DNAJC5: variants seen among roughly 807,000 people sequenced by gnomAD.
The protein encoded by DNAJC5 is DnaJ heat shock protein family (Hsp40) member C5, also known as dnaJ homolog subfamily C member 5.
In DNAJC5, 1 loss-of-function variant was observed where a neutral mutation model predicts 23.2. That is an observed-to-expected ratio of 0.04 (90% CI 0.02 to 0.20). The LOEUF is 0.20. DNAJC5 is among the 10% of genes least tolerant of loss of function. The pLI, the probability that DNAJC5 is intolerant of heterozygous loss-of-function variation, is 1.00. For synonymous variants in DNAJC5, 136 were observed against 120.0 expected (o/e 1.13, Z -0.87); for missense variants, 180 against 267.0 (o/e 0.67, Z 2.27).
At chr20:63,922,640 C>T (rs531770384) in intron 1 of DNAJC5, among the ~76,000 whole-genome samples, 1 of 152,224 alleles carries the variant, frequency 6.6e-6, no homozygotes, top group Non-Finnish European at 1.5e-5. Context: ...CATGGTGGCT[C>T]ACGCCTGTAG....
At chr20:63,911,007 T>C (rs1175569878) in intron 1 of DNAJC5, among the ~76,000 whole-genome samples, 2 of 152,328 alleles carry the variant, frequency 1.3e-5, no homozygotes, top group South Asian at 4.1e-4. Flanking sequence ...TCTGGAGTTA[T>C]TTTGTTCAAC....
intron 1 of DNAJC5, among the ~76,000 whole-genome samples, chr20:63,925,315 C>G (rs1005996264): frequency 1.3e-5 from 2 of 152,116 alleles, no homozygotes; most frequent in African/African-American, 4.8e-5. Context: ...GAAACCCCAT[C>G]TCTACTAAAA....
At chr20:63,904,098 A>G (rs1031406945) in intron 1 of DNAJC5, among the ~76,000 whole-genome samples, 10 of 152,096 alleles carry the variant, frequency 6.6e-5, no homozygotes, top group African/African-American at 2.4e-4. Context: ...AATGAGGCAA[A>G]CCGTGGTTTG....
rs190682209 is a variant in DNAJC5, at chr20:63,929,650, G to T, written c.321+125G>T. 2 of 837,202 alleles carry T rather than the reference G, an allele frequency of 2.4e-6. No homozygotes were observed. Among genetic ancestry groups the T allele is most frequent in the African/African-American group, 1.8e-5 (1 of 55,836 alleles). The allele number at this position is 837,202 out of a possible 1,614,324, so 51.9% of individuals were successfully genotyped here. ...TGCGGGCACCCGAGTCTCTCCTGCC[G>T]TGCGGGCACCCGAGTCTCTCCTGCC... On this transcript the variant is annotated intron_variant, in intron 3 of 4. Coordinates refer to ENST00000360864, the MANE Select transcript of DNAJC5 (RefSeq NM_025219.3). The surrounding 1 kb of genome is among the most constrained non-coding windows in gnomAD (Gnocchi z 8.6).
intron 1 of DNAJC5, among the ~76,000 whole-genome samples, chr20:63,915,996 C>T (rs2427548): frequency 0.29 from 43,943 of 151,952 alleles, 7,870 homozygotes; most frequent in East Asian, 0.58. Flanking sequence ...GGCAGTGGTG[C>T]GATCTCGGCT....
Position 63,933,186 on chromosome 20 carries a change from G to A in DNAJC5, c.*1618G>A, listed in dbSNP as rs2053688677. ...CTCGGACCAACCAGATGAGCCTCCT[G>A]AAGCCCCCTTCCCTGCCTGCCTGCT... is the stretch of plus-strand genomic sequence containing the variant. On this transcript the variant is annotated 3_prime_UTR_variant, in exon 5 of 5. Coordinates refer to ENST00000360864, the MANE Select transcript of DNAJC5 (RefSeq NM_025219.3). 1 of 152,846 alleles carries A rather than the reference G, an allele frequency of 6.5e-6. No individual in the cohort carries two copies. The highest frequency in any genetic ancestry group is 2.4e-5 in the African/African-American group (1 of 41,450). The allele number at this position is 152,846 out of a possible 1,614,324, so 9.5% of individuals were successfully genotyped here.
At chr20:63,913,508 C>T (rs2427544) in intron 1 of DNAJC5, among the ~76,000 whole-genome samples, 52,170 of 151,004 alleles carry the variant, frequency 0.35, 10,716 homozygotes, top group East Asian at 0.81. Flanking sequence ...GTGATTCTCC[C>T]GCCTCAGTCT....
At position 63,929,294 on chromosome 20, in the gene DNAJC5, C is replaced by T. The variant is rs2053641543; in HGVS notation, c.108-18C>T. 1 of 1,610,402 alleles carries T rather than the reference C, an allele frequency of 6.2e-7. No homozygotes were observed. The highest frequency in any genetic ancestry group is 8.5e-7 in the Non-Finnish European group (1 of 1,178,480). On this transcript the variant is annotated intron_variant, in intron 2 of 4. Coordinates refer to ENST00000360864, the MANE Select transcript of DNAJC5 (RefSeq NM_025219.3). The surrounding 1 kb of genome is among the most constrained non-coding windows in gnomAD (Gnocchi z 8.6). ...AACAAAGTCCAGGGTAGAGCCAGGA[C>T]ATGGTTTTGGTTTGCAGGAAGCTTG...
chr20:63,915,377 G>A (rs569642668), intron 1 of DNAJC5, among the ~76,000 whole-genome samples: 2 of 151,268 alleles, frequency 1.3e-5, no homozygotes, highest in East Asian at 1.9e-4. Flanking sequence ...GCATTTAAAC[G>A]GTTCAGATGC....
chr20:63,910,961 G>GC (rs1393091657), intron 1 of DNAJC5, among the ~76,000 whole-genome samples: 1 of 152,148 alleles, frequency 6.6e-6, no homozygotes, highest in Non-Finnish European at 1.5e-5. Flanking sequence ...GAGCCACCAT[G>GC]CCCGGCCTGT....
In DNAJC5 at chr20:63,920,674, TTTTATTTA is replaced by T. The variant is rs966450131; in HGVS notation, c.-11-7649_-11-7642del. On this transcript the variant is annotated intron_variant, in intron 1 of 4. Transcript: ENST00000360864. This position sits in a 1 kb window ranked among gnomAD's most constrained non-coding sequence, Gnocchi z 4.6. ...TTTTTGTTTGCTTTTAATTTTTAATTTTTATTTATTTATTTATTTTTGAGACTGAGTCT... is the reference window on the plus strand; with the variant it reads ...TTTTTGTTTGCTTTTAATTTTTAATTTTTATTTATTTTTGAGACTGAGTCT... 3.2e-4 allele frequency among the ~76,000 whole-genome samples: 48 copies of T among 152,300 alleles called. No individual in the cohort carries two copies. The highest frequency in any genetic ancestry group is 1.1e-3 in the African/African-American group (46 of 41,570).
At chr20:63,899,791 C>T (rs765574531) in intron 1 of DNAJC5, among the ~76,000 whole-genome samples, 71 of 151,608 alleles carry the variant, frequency 4.7e-4, no homozygotes, top group Non-Finnish European at 9.3e-4. Flanking sequence ...CGGTGTTAGC[C>T]AGGATGGTCT....
chr20:63,906,757 G>T (rs916686292), intron 1 of DNAJC5, among the ~76,000 whole-genome samples: 1 of 151,924 alleles, frequency 6.6e-6, no homozygotes, highest in African/African-American at 2.4e-5. Context: ...CTGCACTCCA[G>T]CCTGGGTGAG....
intron 1 of DNAJC5, among the ~76,000 whole-genome samples, chr20:63,906,924 A>G (rs950899251): frequency 6.6e-6 from 1 of 152,056 alleles, no homozygotes; most frequent in Non-Finnish European, 1.5e-5. Flanking sequence ...CAACTTAGGG[A>G]GATCCTGCCT....
rs2053637987 is a variant in DNAJC5 at position 63,928,884 on chromosome 20, C to G, written c.108-428C>G. On this transcript the variant is annotated intron_variant, in intron 2 of 4. Coordinates refer to ENST00000360864, the MANE Select transcript of DNAJC5 (RefSeq NM_025219.3). The surrounding 1 kb of genome is among the most constrained non-coding windows in gnomAD (Gnocchi z 4.6). ...TTCATTGAGTAACCTGTAAGAGACA[C>G]CATCACTAATCCAGACAATTCAGAT... Among the ~76,000 whole-genome samples the G allele has an allele frequency of 6.6e-6, 1 of 152,198 alleles. No homozygotes were observed. The highest frequency in any genetic ancestry group is 1.5e-5 in the Non-Finnish European group (1 of 68,036).
chr20:63,898,614 C>T (rs557164510), intron 1 of DNAJC5, among the ~76,000 whole-genome samples: 3 of 152,162 alleles, frequency 2.0e-5, no homozygotes, highest in Admixed American at 1.3e-4. Flanking sequence ...GAGGCCGAGG[C>T]GGGCAGATCT....
Position 63,931,363 on chromosome 20 carries a change from TG to T in DNAJC5, c.494-100del. ...GAGGTCAGCGAGTAGCCTCTCCCGG[TG>T]GAGAGTTTGTCCAGGTGCCCGAAAG... On this transcript the variant is annotated intron_variant, in intron 4 of 4. Coordinates refer to ENST00000360864, the MANE Select transcript of DNAJC5 (RefSeq NM_025219.3). The surrounding 1 kb of genome is among the most constrained non-coding windows in gnomAD (Gnocchi z 9.6). The T allele has an allele frequency of 9.0e-7, 1 of 1,112,736 alleles. No individual in the cohort carries two copies. Among genetic ancestry groups the T allele is most frequent in the Non-Finnish European group, 1.3e-6 (1 of 763,312 alleles). The allele number at this position is 1,112,736 out of a possible 1,614,324, so 68.9% of individuals were successfully genotyped here.
chr20:63,909,033 G>A (rs1295675706), intron 1 of DNAJC5: 1 of 152,222 alleles, frequency 6.6e-6, no homozygotes, highest in African/African-American at 2.4e-5. Context: ...CACTCCGGAT[G>A]TGCTGAGCCC....
At chr20:63,913,693 C>T (rs1176724198) in intron 1 of DNAJC5, among the ~76,000 whole-genome samples, 1 of 152,126 alleles carries the variant, frequency 6.6e-6, no homozygotes, top group Admixed American at 6.5e-5. Flanking sequence ...CCTGCCTCAG[C>T]CTCCCAAGTA....
Sources: allele counts gnomAD v4.1 joint callset (sites outside exome capture counted in the v4.1 genomes callset), GRCh38; gene constraint gnomAD v4.1.1; non-coding constraint Gnocchi (gnomAD v3.1); transcripts MANE v1.5; gene names NCBI Gene and HGNC (gene_info 2026-07-23, HGNC 2026-07-21).